The following EPM2A variants were observed in gnomAD, a reference collection of about 807,000 sequenced individuals.
EPM2A encodes the protein EPM2A glucan phosphatase, laforin.
Under a neutral mutation model 26.5 loss-of-function variants are expected in EPM2A, and 21 were observed. The ratio of observed to expected loss-of-function variants is 0.79; its 90% CI spans 0.56 to 1.14. The LOEUF (loss-of-function observed/expected upper bound fraction) is 1.14, where lower values mean the gene tolerates loss of function less well. Among genes scored for constraint, EPM2A ranks in the 50% most tolerant of loss-of-function variants. The pLI is 0.00. For missense variants in EPM2A, 458 were observed against 440.8 expected, an observed-to-expected ratio of 1.04 and a Z score of -0.35; for synonymous variants, 217 against 177.6, an observed-to-expected ratio of 1.22 and a Z score of -1.76.
intron 4 of EPM2A, chr6:145,490,811 G>A: frequency 1.7e-6 from 1 of 595,240 alleles, no homozygotes; most frequent in South Asian, 1.4e-5. Context: ...CTGTATGCTT[G>A]TAGGGTCAGA....
At chr6:145,530,050 C>T (rs759780568) in intron 2 of EPM2A, among the ~76,000 whole-genome samples, 10 of 152,110 alleles carry the variant, frequency 6.6e-5, no homozygotes, top group African/African-American at 2.4e-4. Flanking sequence ...ATAAACAAAG[C>T]GAATTCTCTG....
chr6:145,527,224 A>C (rs375720927), intron 2 of EPM2A, among the ~76,000 whole-genome samples: 1 of 152,098 alleles, frequency 6.6e-6, no homozygotes, highest in Non-Finnish European at 1.5e-5. Context: ...TCAATCTTAG[A>C]GTACGTTCCA....
intron 2 of EPM2A, among the ~76,000 whole-genome samples, chr6:145,554,365 A>G (rs1385666480): frequency 6.6e-6 from 1 of 151,860 alleles, no homozygotes; most frequent in Admixed American, 6.6e-5. Context: ...ATCTTCCTGA[A>G]AAACAGAACC....
chr6:145,428,437 C>A (rs78650246), intron 4 of EPM2A, among the ~76,000 whole-genome samples: 6 of 152,278 alleles, frequency 3.9e-5, no homozygotes, highest in South Asian at 2.1e-4. Context: ...TCCTTCCCAA[C>A]GAGCGGTTAA....
At chr6:145,571,269 A>C (rs1429870388) in intron 2 of EPM2A, among the ~76,000 whole-genome samples, 1 of 152,174 alleles carries the variant, frequency 6.6e-6, no homozygotes, top group Non-Finnish European at 1.5e-5. Context: ...ATAGTCACGT[A>C]GTTGATGTTT....
intron 4 of EPM2A, among the ~76,000 whole-genome samples, chr6:145,393,218 A>T (rs1417808143): frequency 2.0e-5 from 3 of 152,146 alleles, no homozygotes; most frequent in Admixed American, 6.5e-5. Context: ...AAAAGGAAAG[A>T]TACTCGAGTA....
intron 4 of EPM2A, among the ~76,000 whole-genome samples, chr6:145,394,762 T>C (rs1778383162): frequency 1.3e-5 from 2 of 152,160 alleles, no homozygotes; most frequent in Non-Finnish European, 2.9e-5. Context: ...TTCAGCACCC[T>C]GTCAATCCAG....
At chr6:145,699,167 T>G (rs1338677265) in intron 1 of EPM2A, among the ~76,000 whole-genome samples, 1 of 152,186 alleles carries the variant, frequency 6.6e-6, no homozygotes, top group Non-Finnish European at 1.5e-5. Context: ...GGGTAATAAA[T>G]GAAGTTTAAA....
chr6:145,697,938 G>T (rs1781702626), intron 1 of EPM2A, among the ~76,000 whole-genome samples: 1 of 152,166 alleles, frequency 6.6e-6, no homozygotes, highest in African/African-American at 2.4e-5. Context: ...AAGATGATGG[G>T]ATTAAGAAAG....
chr6:145,568,224 C>T (rs1411580877), intron 2 of EPM2A, among the ~76,000 whole-genome samples: 1 of 152,098 alleles, frequency 6.6e-6, no homozygotes, highest in African/African-American at 2.4e-5. Flanking sequence ...GCCAATGAAA[C>T]TCTCTGTTTC....
intron 1 of EPM2A, among the ~76,000 whole-genome samples, chr6:145,711,339 AG>A (rs1459429230): frequency 6.6e-6 from 1 of 152,226 alleles, no homozygotes; most frequent in African/African-American, 2.4e-5. Flanking sequence ...AGCCTACAAA[AG>A]TTCTACGTTT....
chr6:145,593,701 C>A (rs544417441), intron 2 of EPM2A, among the ~76,000 whole-genome samples: 1 of 151,870 alleles, frequency 6.6e-6, no homozygotes, highest in African/African-American at 2.4e-5. Context: ...AGAAAAAATT[C>A]TCCAGAGAAA....
At chr6:145,687,938 G>C (rs1781038513) in intron 1 of EPM2A, among the ~76,000 whole-genome samples, 1 of 151,820 alleles carries the variant, frequency 6.6e-6, no homozygotes, top group Non-Finnish European at 1.5e-5. Context: ...CTCACTTCTA[G>C]AAACATATCC....
chr6:145,706,697 C>T (rs535655550), intron 1 of EPM2A, among the ~76,000 whole-genome samples: 19 of 152,200 alleles, frequency 1.2e-4, no homozygotes, highest in African/African-American at 3.1e-4. Context: ...AATGTGTATA[C>T]GCATGTGTTA....
chr6:145,557,523 TG>T (rs1263735868), intron 2 of EPM2A, among the ~76,000 whole-genome samples: 2 of 152,080 alleles, frequency 1.3e-5, no homozygotes, highest in Non-Finnish European at 2.9e-5. Context: ...TTACCAAAAT[TG>T]TGATTCTACA....
Position 145,411,110 on chromosome 6 carries a change from T to G in EPM2A, c.556-27013A>C, listed in dbSNP as rs184228012. Among the ~76,000 whole-genome samples, 319 of 152,306 alleles carry G rather than the reference T, an allele frequency of 2.1e-3. 3 individuals are homozygous for G. The highest frequency in any genetic ancestry group is 7.0e-3 in the African/African-American group (289 of 41,576). ...GAGTCTGATGATTATTTATATTTCC[T>G]CTGTGAGAATGCCTGCCACAGAATA... On this transcript the variant is annotated intron_variant, in intron 4 of 4. Coordinates refer to the EPM2A transcript ENST00000638717.
At chr6:145,730,483 C>T (rs949553331) in intron 1 of EPM2A, among the ~76,000 whole-genome samples, 5 of 152,188 alleles carry the variant, frequency 3.3e-5, no homozygotes, top group African/African-American at 7.2e-5. Flanking sequence ...ACGTGACATC[C>T]AATTTAGGCA....
At chr6:145,490,066 C>CT in intron 4 of EPM2A, 1 of 1,293,866 alleles carries the variant, frequency 7.7e-7, no homozygotes, top group Non-Finnish European at 1.1e-6. Flanking sequence ...CCACCTGGAC[C>CT]TGAAGCAATG....
At chr6:145,655,096 A>G (rs935365253) in intron 2 of EPM2A, among the ~76,000 whole-genome samples, 1 of 152,150 alleles carries the variant, frequency 6.6e-6, no homozygotes, top group African/African-American at 2.4e-5. Context: ...AGCACAAGAA[A>G]ACACATATCA....
Sources: gnomAD v4.1 joint callset for allele counts (sites outside exome capture counted in the v4.1 genomes callset) on GRCh38, gnomAD v4.1.1 for gene constraint, MANE v1.5 for transcripts, NCBI Gene and HGNC (gene_info 2026-07-23, HGNC 2026-07-21) for gene names.